PEPD: variants seen among roughly 807,000 people sequenced by gnomAD.
The protein encoded by PEPD is xaa-Pro dipeptidase.
A neutral mutation model predicts 60.7 loss-of-function variants in PEPD; 53 were observed. The observed-to-expected ratio is 0.87, with a 90% CI of 0.70 to 1.10. PEPD has a LOEUF of 1.10. PEPD is among the 50% of genes least tolerant of loss of function. PEPD has a pLI of 0.00. For missense variants in PEPD, 711 were observed against 711.9 expected, an observed-to-expected ratio of 1.00 and a Z score of 0.01; for synonymous variants, 267 against 284.1, an observed-to-expected ratio of 0.94 and a Z score of 0.60.
At chr19:33,504,904 G>A (rs934526726) in intron 3 of PEPD, among the ~76,000 whole-genome samples, 2 of 152,114 alleles carry the variant, frequency 1.3e-5, no homozygotes, top group Non-Finnish European at 2.9e-5. Context: ...AGGGGCTCTC[G>A]TCCTCCACAG....
intron 4 of PEPD, chr19:33,493,553 T>C: frequency 3.1e-6 from 2 of 636,398 alleles, no homozygotes; most frequent in Non-Finnish European, 5.7e-6. Flanking sequence ...GCAGAGAGGA[T>C]AAACCTACAC....
chr19:33,502,705 C>A (rs956949752), intron 3 of PEPD, among the ~76,000 whole-genome samples: 1 of 152,062 alleles, frequency 6.6e-6, no homozygotes, highest in African/African-American at 2.4e-5. Flanking sequence ...TTACACCAGG[C>A]GAGCACCAAG....
At chr19:33,392,999 C>G (rs1968261940) in intron 12 of PEPD, among the ~76,000 whole-genome samples, 1 of 152,134 alleles carries the variant, frequency 6.6e-6, no homozygotes, top group South Asian at 2.1e-4. Context: ...TGGCTGTTGC[C>G]CGCCATTCAC....
At chr19:33,510,662 C>T (rs369053089) in intron 3 of PEPD, among the ~76,000 whole-genome samples, 4 of 152,160 alleles carry the variant, frequency 2.6e-5, no homozygotes, top group Non-Finnish European at 2.9e-5. Context: ...TTGGGAATTG[C>T]CATGTTGGGT....
At chr19:33,514,580 A>AACCT (rs1478031276) in intron 1 of PEPD, among the ~76,000 whole-genome samples, 2 of 151,776 alleles carry the variant, frequency 1.3e-5, no homozygotes, top group Non-Finnish European at 1.5e-5. Flanking sequence ...CCCAGAGGCC[A>AACCT]ACCTACCCGA....
intron 9 of PEPD, among the ~76,000 whole-genome samples, chr19:33,414,737 A>G (rs1968852712): frequency 6.6e-6 from 1 of 152,212 alleles, no homozygotes; most frequent in Non-Finnish European, 1.5e-5. Context: ...ATTATGTATA[A>G]TTGTCATGAT....
intron 9 of PEPD, among the ~76,000 whole-genome samples, chr19:33,418,303 A>G (rs1162399191): frequency 1.3e-5 from 2 of 152,212 alleles, no homozygotes; most frequent in African/African-American, 2.4e-5. Flanking sequence ...CTAAGGGAAA[A>G]TCCTTTTCAG....
At chr19:33,392,399 TGGTA>T in intron 12 of PEPD, among the ~76,000 whole-genome samples, 1 of 152,186 alleles carries the variant, frequency 6.6e-6, no homozygotes, top group Admixed American at 6.5e-5. Context: ...CCTCTCCTCA[TGGTA>T]GCTTCCACTG....
chr19:33,450,895 T>A (rs1198478698), intron 9 of PEPD, among the ~76,000 whole-genome samples: 1 of 152,154 alleles, frequency 6.6e-6, no homozygotes, highest in African/African-American at 2.4e-5. Flanking sequence ...CAGTGCGCCA[T>A]GTCAGTTTAC....
chr19:33,435,363 T>C (rs1228401854), intron 9 of PEPD, among the ~76,000 whole-genome samples: 3 of 152,046 alleles, frequency 2.0e-5, no homozygotes, highest in Non-Finnish European at 4.4e-5. Context: ...GTAATTAACA[T>C]GATGGAAAAC....
chr19:33,433,508 C>A (rs772740277), intron 9 of PEPD, among the ~76,000 whole-genome samples: 4 of 152,176 alleles, frequency 2.6e-5, no homozygotes, highest in Non-Finnish European at 5.9e-5. Context: ...TGGCTATGAA[C>A]TGTTAGGAAT....
At position 33,389,679 on chromosome 19, in the gene PEPD, A is replaced by G. The variant is rs115069067; in HGVS notation, c.1153-1598T>C. On this transcript the variant is annotated intron_variant, in intron 13 of 14. Transcript: ENST00000244137. The stretch of plus-strand genomic sequence containing the variant: ...GCCCACCCCGGCTGCTCCATGGTAC[A>G]CGGTTGAGGGGCAGGTTTGTTTCCC... Among the ~76,000 whole-genome samples, 1,513 of 152,238 alleles carry G rather than the reference A, an allele frequency of 9.9e-3. 26 individuals are homozygous for G. Among genetic ancestry groups the G allele is most frequent in the African/African-American group, 0.035 (1,439 of 41,544 alleles).
chr19:33,457,598 C>A (rs927813374), intron 9 of PEPD, among the ~76,000 whole-genome samples: 1 of 152,236 alleles, frequency 6.6e-6, no homozygotes, highest in Non-Finnish European at 1.5e-5. Flanking sequence ...GCAACCTCCA[C>A]CTCCCAGGTT....
intron 12 of PEPD, 27 bp downstream of exon 12, chr19:33,401,694 G>A (rs1033896993): frequency 7.5e-6 from 12 of 1,594,954 alleles, no homozygotes; most frequent in Admixed American, 6.9e-5. Context: ...CGTCAGATGC[G>A]CCTCCCCCCA....
intron 2 of PEPD, 185 bp from the exon 3 acceptor site, chr19:33,511,340 G>T: frequency 1.6e-6 from 1 of 624,086 alleles, no homozygotes; most frequent in Non-Finnish European, 2.9e-6. Context: ...AGTTTGGCAG[G>T]GGGCAGCCTG....
chr19:33,474,659 G>C (rs926740541), intron 7 of PEPD, among the ~76,000 whole-genome samples: 2 of 152,096 alleles, frequency 1.3e-5, no homozygotes, highest in African/African-American at 2.4e-5. Flanking sequence ...ACTCCAGCCT[G>C]GGTGACAGAG....
intron 4 of PEPD, among the ~76,000 whole-genome samples, chr19:33,496,949 C>T (rs3826904): frequency 1.3e-5 from 2 of 152,190 alleles, no homozygotes; most frequent in African/African-American, 4.8e-5. Context: ...CCTTTGCCAG[C>T]GCTGGGAAAG....
intron 6 of PEPD, among the ~76,000 whole-genome samples, chr19:33,488,254 G>A (rs1307912503): frequency 6.6e-6 from 1 of 152,096 alleles, no homozygotes; most frequent in African/African-American, 2.4e-5. Context: ...GTTTGCATGC[G>A]GGCAACTGTC....
chr19:33,407,239 G>C (rs1968648837), intron 11 of PEPD, among the ~76,000 whole-genome samples: 1 of 152,244 alleles, frequency 6.6e-6, no homozygotes, highest in South Asian at 2.1e-4. Flanking sequence ...TCTGCCCTGT[G>C]GGGTGAGCCT....
Sources: gnomAD v4.1 joint callset for allele counts (sites outside exome capture counted in the v4.1 genomes callset) on GRCh38, gnomAD v4.1.1 for gene constraint, MANE v1.5 for transcripts, NCBI Gene and HGNC (gene_info 2026-07-23, HGNC 2026-07-21) for gene names.